Variants in ITGBL1 observed in about 807,000 individuals in gnomAD.
ITGBL1 encodes integrin beta-like protein 1.
A neutral mutation model predicts 68.5 loss-of-function variants in ITGBL1; 51 were observed. The ratio of observed to expected loss-of-function variants is 0.74; its 90% CI spans 0.59 to 0.94. The LOEUF (loss-of-function observed/expected upper bound fraction) is 0.94. Among genes scored for constraint, ITGBL1 ranks in the 40% least tolerant of loss-of-function variants. The pLI is 0.00. For missense variants in ITGBL1, 649 were observed against 647.4 expected (o/e 1.00, Z -0.03); for synonymous variants, 209 against 227.3 (o/e 0.92, Z 0.72).
intron 8 of ITGBL1, among the ~76,000 whole-genome samples, chr13:101,704,430 A>T (rs1017122435): frequency 2.4e-4 from 37 of 151,832 alleles, no homozygotes; most frequent in Non-Finnish European, 5.0e-4. Flanking sequence ...TGGAGAGATT[A>T]AAAAAGATGA....
chr13:101,685,342 G>T (rs2033730335), intron 7 of ITGBL1, among the ~76,000 whole-genome samples: 1 of 152,040 alleles, frequency 6.6e-6, no homozygotes, highest in South Asian at 2.1e-4. Context: ...GGTTGGGTTA[G>T]TGTTGGCACA....
At chr13:101,634,438 C>T (rs1042236284) in intron 7 of ITGBL1, among the ~76,000 whole-genome samples, 10 of 152,022 alleles carry the variant, frequency 6.6e-5, no homozygotes, top group Admixed American at 1.3e-4. Flanking sequence ...GCCTTGATAT[C>T]CAAGTTTTGT....
intron 2 of ITGBL1, among the ~76,000 whole-genome samples, chr13:101,502,333 C>A (rs1024424551): frequency 2.6e-5 from 4 of 152,122 alleles, no homozygotes; most frequent in African/African-American, 9.7e-5. Flanking sequence ...TAGTCTGTGG[C>A]CATGCTGGAG....
At chr13:101,680,988 T>A (rs563357327) in intron 7 of ITGBL1, among the ~76,000 whole-genome samples, 1 of 152,194 alleles carries the variant, frequency 6.6e-6, no homozygotes, top group Non-Finnish European at 1.5e-5. Flanking sequence ...GCAGGCCCTG[T>A]GTGCACGTGC....
intron 7 of ITGBL1, among the ~76,000 whole-genome samples, chr13:101,676,113 C>A (rs921797181): frequency 1.3e-5 from 2 of 152,150 alleles, no homozygotes; most frequent in East Asian, 3.9e-4. Flanking sequence ...TTGTTACCTG[C>A]ATCATTTTTT....
At chr13:101,662,542 A>G (rs945569692) in intron 7 of ITGBL1, among the ~76,000 whole-genome samples, 2 of 152,116 alleles carry the variant, frequency 1.3e-5, no homozygotes, top group Non-Finnish European at 2.9e-5. Context: ...ACATAATCAC[A>G]TACATTTGGT....
At chr13:101,577,653 A>C (rs1409523512) in intron 4 of ITGBL1, among the ~76,000 whole-genome samples, 1 of 152,188 alleles carries the variant, frequency 6.6e-6, no homozygotes, top group Non-Finnish European at 1.5e-5. Flanking sequence ...TTCTGAAATT[A>C]CAGAGAAAAT....
chr13:101,656,568 A>G (rs1332164918), intron 7 of ITGBL1, among the ~76,000 whole-genome samples: 1 of 152,202 alleles, frequency 6.6e-6, no homozygotes, highest in East Asian at 1.9e-4. Context: ...GAACTTGGGC[A>G]AGATAAAAAA....
intron 2 of ITGBL1, among the ~76,000 whole-genome samples, chr13:101,542,074 T>C (rs1165222551): frequency 3.9e-5 from 6 of 152,206 alleles, no homozygotes; most frequent in Non-Finnish European, 8.8e-5. Flanking sequence ...GCTCTGATCT[T>C]AGTTATTTCT....
At chr13:101,580,274 G>A in intron 5 of ITGBL1, among the ~76,000 whole-genome samples, 1 of 152,076 alleles carries the variant, frequency 6.6e-6, no homozygotes, top group East Asian at 1.9e-4. Flanking sequence ...AGAAATCGTA[G>A]CATACCACCT....
intron 5 of ITGBL1, among the ~76,000 whole-genome samples, chr13:101,580,203 C>T (rs998552230): frequency 6.6e-6 from 1 of 152,002 alleles, no homozygotes; most frequent in African/African-American, 2.4e-5. Flanking sequence ...ATCTAGATAG[C>T]TGGAAAACTT....
intron 2 of ITGBL1, among the ~76,000 whole-genome samples, chr13:101,454,408 C>A (rs950597465): frequency 1.2e-4 from 18 of 146,472 alleles, no homozygotes; most frequent in Non-Finnish European, 2.5e-4. Flanking sequence ...GTCCCCCCCC[C>A]CCCCCCCAAC....
chr13:101,542,413 C>T (rs1280763194), intron 2 of ITGBL1, among the ~76,000 whole-genome samples: 1 of 152,174 alleles, frequency 6.6e-6, no homozygotes, highest in African/African-American at 2.4e-5. Flanking sequence ...GCACTGTGGT[C>T]TGAGAGACAG....
chr13:101,708,953 G>A (rs536828609), intron 9 of ITGBL1, among the ~76,000 whole-genome samples: 8 of 152,316 alleles, frequency 5.3e-5, no homozygotes, highest in African/African-American at 1.9e-4. Context: ...CTGTTCTCAG[G>A]GGGCTTCAGC....
rs757680128 is a variant in ITGBL1, at chr13:101,606,014, G to GCA, written c.1015+7715_1015+7716insCA. 1.7e-4 allele frequency among the ~76,000 whole-genome samples: 25 copies of GCA among 143,304 alleles called. No individual in the cohort carries two copies. In the East Asian group the frequency reaches 2.9e-3, roughly 16 times the overall value. 94.0% of individuals were successfully genotyped at this position (143,304 alleles called of 152,430 possible). A position where few individuals can be genotyped will look rare whatever the true frequency, so the allele number is the denominator to read the frequency against. On this transcript the variant is annotated intron_variant, in intron 7 of 10. Coordinates refer to ENST00000376180, the MANE Select transcript of ITGBL1 (RefSeq NM_004791.3). ...TATGTGTATATATACACATATATAT[G>GCA]TATATATGTTATATAGCATATATAT...
At chr13:101,648,588 A>G (rs2032639984) in intron 7 of ITGBL1, among the ~76,000 whole-genome samples, 1 of 152,192 alleles carries the variant, frequency 6.6e-6, no homozygotes, top group South Asian at 2.1e-4. Context: ...ATAAAAAGAC[A>G]TAACAAATGG....
chr13:101,628,598 A>AC (rs2031871478), intron 7 of ITGBL1, among the ~76,000 whole-genome samples: 1 of 58,546 alleles, frequency 1.7e-5, no homozygotes, highest in Non-Finnish European at 3.2e-5. Flanking sequence ...ATACCCAGCT[A>AC]ATTTTTTTTT....
Position 101,583,234 on chromosome 13 carries a change from A to C in ITGBL1, c.746A>C (p.Glu249Ala), listed in dbSNP as rs2050493074. 6.2e-7 allele frequency: 1 copy of C among 1,613,678 alleles called. No homozygotes were observed. Among genetic ancestry groups the C allele is most frequent in the African/African-American group, 1.3e-5 (1 of 74,868 alleles). The change falls in exon 6 of 11, where the codon GAA (glutamate) becomes GCA (alanine). Residue 249 changes from glutamate (E) to alanine (A), a missense_variant. Transcript: ENST00000376180. ...CACCTAGGGACTTGTGTATGTGGTGAATGTACCTGTCACGATGTTGATCCG... is the reference window on the plus strand; with the variant it reads ...CACCTAGGGACTTGTGTATGTGGTGCATGTACCTGTCACGATGTTGATCCG... Reference protein sequence around the residue: ...CSNRGTCVCGECTCHDVDPTG... With the variant: ...CSNRGTCVCGACTCHDVDPTG...
intron 7 of ITGBL1, among the ~76,000 whole-genome samples, chr13:101,615,102 C>G (rs1209430287): frequency 1.3e-5 from 2 of 152,092 alleles, no homozygotes; most frequent in East Asian, 3.9e-4. Context: ...TCCTTCCTTG[C>G]TGTTTCTAAC....
Sources: allele counts gnomAD v4.1 joint callset (sites outside exome capture counted in the v4.1 genomes callset), GRCh38; gene constraint gnomAD v4.1.1; transcripts MANE v1.5; gene names NCBI Gene and HGNC (gene_info 2026-07-23, HGNC 2026-07-21).